The following PHF24 variants were observed in gnomAD, a reference collection of about 807,000 sequenced individuals.
PHF24 encodes the protein PHD finger protein 24, also known as Galpha inhibitory interacting protein.
Under a neutral mutation model 42.6 loss-of-function variants are expected in PHF24, and 25 were observed. The observed-to-expected ratio is 0.59, with a 90% CI of 0.43 to 0.82. PHF24 has a LOEUF of 0.82. PHF24 is among the 40% of genes least tolerant of loss of function. PHF24 has a pLI of 0.00. For synonymous variants in PHF24, 185 were observed against 204.8 expected (o/e 0.90, Z 0.83); for missense variants, 470 against 538.1 (o/e 0.87, Z 1.25).
the PHF24 span, among the ~76,000 whole-genome samples, chr9:34,875,946 A>T: frequency 0.13 from 10,789 of 80,264 alleles, 710 homozygotes; most frequent in African/African-American, 0.22. Context: ...ACACACACAC[A>T]CACACTCTCT....
chr9:34,792,132 T>A, the PHF24 span, among the ~76,000 whole-genome samples: 2 of 152,194 alleles, frequency 1.3e-5, no homozygotes, highest in African/African-American at 4.8e-5. Context: ...TGAAGGTACA[T>A]CCCTATTGAT....
At chr9:34,860,180 C>T in the PHF24 span, among the ~76,000 whole-genome samples, 5 of 152,176 alleles carry the variant, frequency 3.3e-5, no homozygotes, top group African/African-American at 1.2e-4. Context: ...GAGCACACCT[C>T]GCTGGTTTCC....
At chr9:34,766,345 A>G in the PHF24 span, among the ~76,000 whole-genome samples, 1 of 152,192 alleles carries the variant, frequency 6.6e-6, no homozygotes, top group African/African-American at 2.4e-5. Context: ...CACCAATCAG[A>G]CATAGATTTG....
the PHF24 span, among the ~76,000 whole-genome samples, chr9:34,897,248 G>A: frequency 1.9e-4 from 29 of 152,276 alleles, no homozygotes; most frequent in Admixed American, 1.4e-3. Flanking sequence ...CACTCAATAC[G>A]TGCTTAACCC....
At chr9:34,835,495 G>T in the PHF24 span, 6 of 1,551,954 alleles carry the variant, frequency 3.9e-6, no homozygotes, top group Non-Finnish European at 5.2e-6. Flanking sequence ...GATGCATCCG[G>T]TTCAGGGTTT....
the PHF24 span, chr9:34,665,896 G>T: frequency 3.4e-6 from 2 of 581,664 alleles, no homozygotes; most frequent in Admixed American, 6.2e-5. Flanking sequence ...GGGGCATTTA[G>T]GGGGCCAGGG....
At chr9:34,979,695 A>G (rs965390855) in exon 8 of PHF24, 1 of 152,236 alleles carries the variant, frequency 6.6e-6, no homozygotes, top group Non-Finnish European at 1.5e-5. Flanking sequence ...TTTCGAGGAA[A>G]GCAAGGAGCT....
intron 1 of PHF24, among the ~76,000 whole-genome samples, chr9:34,962,467 C>G (rs1286714475): frequency 6.6e-6 from 1 of 151,940 alleles, no homozygotes; most frequent in Admixed American, 6.6e-5. Context: ...TGCACACGCA[C>G]ATACTCACTG....
At chr9:34,790,781 G>A in the PHF24 span, among the ~76,000 whole-genome samples, 1,129 of 152,334 alleles carry the variant, frequency 7.4e-3, 20 homozygotes, top group African/African-American at 0.026. Context: ...GTCCGTCTGA[G>A]GAGGTGATAT....
At chr9:34,909,654 C>T in the PHF24 span, among the ~76,000 whole-genome samples, 4 of 150,752 alleles carry the variant, frequency 2.7e-5, no homozygotes, top group Non-Finnish European at 4.4e-5. Flanking sequence ...CGGAGTCTCG[C>T]TCTGTCGCCC....
At chr9:34,713,798 A>T in the PHF24 span, among the ~76,000 whole-genome samples, 1 of 152,100 alleles carries the variant, frequency 6.6e-6, no homozygotes, top group Non-Finnish European at 1.5e-5. Context: ...AGAGCTGGAG[A>T]ATCCATCTGG....
the PHF24 span, among the ~76,000 whole-genome samples, chr9:34,667,197 G>A: frequency 1.3e-5 from 2 of 152,214 alleles, no homozygotes; most frequent in African/African-American, 4.8e-5. Flanking sequence ...TGAGTAAGGG[G>A]AAAGACAGTT....
At chr9:34,937,071 A>C in the PHF24 span, among the ~76,000 whole-genome samples, 1 of 40,806 alleles carries the variant, frequency 2.5e-5, no homozygotes. Flanking sequence ...CCGGGAGGTG[A>C]GGGGCGCCTC....
chr9:34,738,416 T>C, the PHF24 span, among the ~76,000 whole-genome samples: 1 of 152,104 alleles, frequency 6.6e-6, no homozygotes, highest in Admixed American at 6.5e-5. Context: ...GGTGGTGCAA[T>C]CTCGGCTCAC....
chr9:34,880,644 C>T, the PHF24 span, among the ~76,000 whole-genome samples: 1 of 152,172 alleles, frequency 6.6e-6, no homozygotes, highest in Non-Finnish European at 1.5e-5. Context: ...ATCAGTTCAA[C>T]AAGAAGAGCT....
chr9:34,835,922 T>C, the PHF24 span: 13 of 787,664 alleles, frequency 1.7e-5, no homozygotes, highest in South Asian at 2.9e-5. Context: ...CTCGACAAAG[T>C]TGGGGAGATC....
At chr9:34,807,683 G>A in the PHF24 span, among the ~76,000 whole-genome samples, 5 of 152,098 alleles carry the variant, frequency 3.3e-5, no homozygotes, top group Non-Finnish European at 5.9e-5. Flanking sequence ...CGCTAAATAA[G>A]TGATAGGAAG....
At chr9:34,795,870 T>G in the PHF24 span, among the ~76,000 whole-genome samples, 3 of 152,000 alleles carry the variant, frequency 2.0e-5, no homozygotes, top group African/African-American at 7.3e-5. Context: ...TGGTGGTACA[T>G]GCCTGTAGTC....
At chr9:34,883,235 A>C in the PHF24 span, among the ~76,000 whole-genome samples, 1 of 152,224 alleles carries the variant, frequency 6.6e-6, no homozygotes, top group African/African-American at 2.4e-5. Flanking sequence ...AAAGACTTAC[A>C]TGTTAGACCT....
Sources: gnomAD v4.1 joint callset for allele counts (sites outside exome capture counted in the v4.1 genomes callset) on GRCh38, gnomAD v4.1.1 for gene constraint, MANE v1.5 for transcripts, NCBI Gene and HGNC (gene_info 2026-07-23, HGNC 2026-07-21) for gene names.